Variants in NBEA observed in about 807,000 individuals in gnomAD.
NBEA encodes the protein lysosomal-trafficking regulator 2.
In NBEA, 44 loss-of-function variants were observed where a neutral mutation model predicts 343.4. The ratio of observed to expected loss-of-function variants is 0.13; its 90% CI spans 0.10 to 0.16. The LOEUF (loss-of-function observed/expected upper bound fraction) is 0.16, where lower values mean the gene tolerates loss of function less well. Ranked by LOEUF, NBEA falls within the 10% of genes least tolerant of loss-of-function variation. The pLI, the probability that NBEA is intolerant of heterozygous loss-of-function variation, is 1.00. For synonymous variants in NBEA, 1,175 were observed against 1,238.7 expected (o/e 0.95, Z 1.08); for missense variants, 2,555 against 3,631.3 (o/e 0.70, Z 7.62).
At chr13:35,180,002 A>C (rs1164033480) in intron 28 of NBEA, among the ~76,000 whole-genome samples, 1 of 151,830 alleles carries the variant, frequency 6.6e-6, no homozygotes, top group African/African-American at 2.4e-5. Context: ...ATAATTCAGA[A>C]CAGATTTTGT....
intron 30 of NBEA, among the ~76,000 whole-genome samples, chr13:35,188,894 A>G (rs1413820394): frequency 9.0e-6 from 1 of 111,400 alleles, no homozygotes; most frequent in Non-Finnish European, 1.9e-5. Context: ...CAACACCTAT[A>G]TTTTACTTTT....
intron 34 of NBEA, among the ~76,000 whole-genome samples, chr13:35,242,485 C>T (rs948990768): frequency 1.3e-5 from 2 of 151,720 alleles, no homozygotes; most frequent in Admixed American, 6.6e-5. Flanking sequence ...GGGCAGAGAG[C>T]GTATTTGAAG....
intron 41 of NBEA, among the ~76,000 whole-genome samples, chr13:35,538,877 G>C (rs180823816): frequency 1.1e-3 from 169 of 152,306 alleles, no homozygotes; most frequent in African/African-American, 4.0e-3. Context: ...TCAATCCAGG[G>C]TGGTGGCATA....
At chr13:35,314,676 T>C (rs1408515174) in intron 36 of NBEA, among the ~76,000 whole-genome samples, 3 of 152,202 alleles carry the variant, frequency 2.0e-5, no homozygotes, top group Non-Finnish European at 2.9e-5. Context: ...ATAATCTTCC[T>C]CTGACATTGT....
chr13:35,349,930 G>T (rs919545361), intron 37 of NBEA, among the ~76,000 whole-genome samples: 2 of 152,050 alleles, frequency 1.3e-5, no homozygotes, highest in African/African-American at 4.8e-5. Context: ...AGCCACTATC[G>T]CTTTCAAACA....
intron 56 of NBEA, among the ~76,000 whole-genome samples, chr13:35,667,041 G>T (rs1184729932): frequency 6.6e-6 from 1 of 152,132 alleles, no homozygotes; most frequent in African/African-American, 2.4e-5. Context: ...GTTTCTAAAA[G>T]CGTATTAAGA....
At chr13:35,014,678 G>A (rs540072180) in intron 1 of NBEA, among the ~76,000 whole-genome samples, 1 of 151,876 alleles carries the variant, frequency 6.6e-6, no homozygotes, top group East Asian at 2.0e-4. Flanking sequence ...CCATCTGCCA[G>A]CCCCACTCTG....
chr13:35,115,041 T>C (rs1034460064), intron 13 of NBEA, among the ~76,000 whole-genome samples: 7 of 152,072 alleles, frequency 4.6e-5, no homozygotes, highest in Non-Finnish European at 1.0e-4. Flanking sequence ...TAAATTATTA[T>C]TATATATAGT....
At chr13:35,253,193 A>C (rs1450239207) in intron 34 of NBEA, among the ~76,000 whole-genome samples, 2 of 152,196 alleles carry the variant, frequency 1.3e-5, no homozygotes, top group Non-Finnish European at 2.9e-5. Context: ...GAAATAAAAT[A>C]TATACCCAGG....
intron 44 of NBEA, among the ~76,000 whole-genome samples, chr13:35,555,524 T>C (rs9544629): frequency 0.082 from 12,458 of 152,222 alleles, 790 homozygotes; most frequent in East Asian, 0.31. Flanking sequence ...GCATCTTTTT[T>C]TCTTAAAATC....
At chr13:35,126,894 T>C (rs1487943832) in intron 17 of NBEA, among the ~76,000 whole-genome samples, 2 of 135,364 alleles carry the variant, frequency 1.5e-5, no homozygotes, top group African/African-American at 2.8e-5. Context: ...TTCCAGAGCC[T>C]GGGAAGCAGA....
chr13:35,387,033 C>G (rs892269349), intron 38 of NBEA, among the ~76,000 whole-genome samples: 2 of 151,964 alleles, frequency 1.3e-5, no homozygotes, highest in African/African-American at 4.8e-5. Flanking sequence ...GCCCTTTAAC[C>G]TTTTCTGATA....
chr13:35,446,081 C>T (rs941098847), intron 39 of NBEA, among the ~76,000 whole-genome samples: 4 of 151,300 alleles, frequency 2.6e-5, no homozygotes, highest in Admixed American at 6.6e-5. Context: ...GTTTTTTGTC[C>T]TTACGATAGT....
intron 38 of NBEA, among the ~76,000 whole-genome samples, chr13:35,426,217 T>G (rs1450940710): frequency 1.3e-5 from 2 of 152,216 alleles, no homozygotes; most frequent in Non-Finnish European, 2.9e-5. Flanking sequence ...TTTTGCTCGT[T>G]AGTTGATGCA....
chr13:35,354,053 A>G (rs931492070), intron 38 of NBEA, among the ~76,000 whole-genome samples: 2 of 152,112 alleles, frequency 1.3e-5, no homozygotes, highest in South Asian at 2.1e-4. Context: ...CCTTTCCCAC[A>G]TTCTTGAGGG....
intron 41 of NBEA, among the ~76,000 whole-genome samples, chr13:35,478,672 C>T (rs1167958768): frequency 6.6e-6 from 1 of 152,266 alleles, no homozygotes; most frequent in African/African-American, 2.4e-5. Flanking sequence ...GGTCTGCCCA[C>T]GCACCCCTCA....
At chr13:35,156,304 A>G (rs2069171130) in intron 20 of NBEA, 98 bp downstream of exon 20, 1 of 1,220,636 alleles carries the variant, frequency 8.2e-7, no homozygotes. Flanking sequence ...CATATTGCTA[A>G]ATACTTTTAA....
chr13:35,482,977 G>A (rs937597807), intron 41 of NBEA, among the ~76,000 whole-genome samples: 1 of 151,796 alleles, frequency 6.6e-6, no homozygotes, highest in African/African-American at 2.4e-5. Context: ...TCTTTAGACT[G>A]TAACACCGTT....
At chr13:34,989,775 A>G (rs931490168) in intron 1 of NBEA, among the ~76,000 whole-genome samples, 3 of 150,988 alleles carry the variant, frequency 2.0e-5, no homozygotes, top group African/African-American at 7.2e-5. Flanking sequence ...GTCGAAGTCC[A>G]AAGTTTCATC....
Sources: gnomAD v4.1 joint callset for allele counts (sites outside exome capture counted in the v4.1 genomes callset) on GRCh38, gnomAD v4.1.1 for gene constraint, MANE v1.5 for transcripts, NCBI Gene and HGNC (gene_info 2026-07-23, HGNC 2026-07-21) for gene names.